Variants in VAV2 observed in about 807,000 individuals in gnomAD.
VAV2 encodes the protein guanine nucleotide exchange factor VAV2.
VAV2 carries 67 observed loss-of-function variants against 132.5 expected under a neutral mutation model. The ratio of observed to expected loss-of-function variants is 0.51; its 90% confidence interval spans 0.42 to 0.62. The LOEUF is 0.62. VAV2 is among the 20% of genes least tolerant of loss of function. The pLI, the probability that VAV2 is intolerant of heterozygous loss-of-function variation, is 0.00. For missense variants in VAV2, 938 were observed against 1,153.6 expected (o/e 0.81, Z 2.71); for synonymous variants, 492 against 443.5 (o/e 1.11, Z -1.37).
Position 133,768,658 on chromosome 9 carries a change from G to T in VAV2, c.2435-62C>A. The T allele has an allele frequency of 6.4e-7, 1 of 1,562,810 alleles. No individual in the cohort carries two copies. On this transcript the variant is annotated intron_variant, in intron 28 of 29. Transcript: ENST00000371850. The surrounding 1 kb of genome is among the most constrained non-coding windows in gnomAD (Gnocchi z 5.3). The stretch of plus-strand genomic sequence containing the variant: ...GAGGAGCCCAACCAGTGATCCAGGA[G>T]GCCCTTGGGCCAAGCTGGGTCTCTC...
intron 3 of VAV2, among the ~76,000 whole-genome samples, chr9:133,837,888 C>T (rs966735055): frequency 4.6e-5 from 7 of 152,122 alleles, no homozygotes; most frequent in East Asian, 3.9e-4. Flanking sequence ...TACTGCTGCC[C>T]GTAAAATCTT....
At chr9:133,845,239 C>A (rs1009435104) in intron 3 of VAV2, among the ~76,000 whole-genome samples, 2 of 152,254 alleles carry the variant, frequency 1.3e-5, no homozygotes, top group Non-Finnish European at 2.9e-5. Context: ...CTGGGCCAGG[C>A]CGGGGACTGA....
intron 3 of VAV2, among the ~76,000 whole-genome samples, chr9:133,858,800 G>A (rs570061816): frequency 9.2e-5 from 14 of 152,184 alleles, no homozygotes; most frequent in African/African-American, 2.4e-4. Context: ...TGGGTCCACC[G>A]ACATGCAGCC....
intron 2 of VAV2, among the ~76,000 whole-genome samples, chr9:133,866,643 G>C (rs949163577): frequency 1.3e-5 from 2 of 151,912 alleles, no homozygotes; most frequent in African/African-American, 4.8e-5. Flanking sequence ...ATCTCTATTA[G>C]GAATACAAAA....
In VAV2 at chr9:133,935,631, C is replaced by T. The variant is rs1372664390; in HGVS notation, c.321+3472G>A. On this transcript the variant is annotated intron_variant, in intron 2 of 29. Coordinates refer to ENST00000371850, the MANE Select transcript of VAV2 (RefSeq NM_001134398.2). This position sits in a 1 kb window ranked among gnomAD's most constrained non-coding sequence, Gnocchi z 5.2. The stretch of plus-strand genomic sequence containing the variant: ...CACCTGTCCCGGAGAAGCCAGGAGG[C>T]GCTGGCAGAGCAGAACCGTCAGGCT... 3.9e-5 allele frequency among the ~76,000 whole-genome samples: 6 copies of T among 152,232 alleles called. No homozygotes were observed. Among genetic ancestry groups the T allele is most frequent in the Admixed American group, 6.5e-5 (1 of 15,278 alleles).
chr9:133,774,873 T>G (rs1408838234), intron 25 of VAV2, 62 bp downstream of exon 25: 1 of 1,448,176 alleles, frequency 6.9e-7, no homozygotes, highest in Non-Finnish European at 9.5e-7. Context: ...GAGAGGATGG[T>G]GCTCTCCACT....
At chr9:133,965,910 GCATGA>G (rs1157190978) in intron 1 of VAV2, among the ~76,000 whole-genome samples, 1 of 152,146 alleles carries the variant, frequency 6.6e-6, no homozygotes, top group African/African-American at 2.4e-5. Flanking sequence ...AACAAAAGCA[GCATGA>G]TACTGGCATA....
intron 1 of VAV2, among the ~76,000 whole-genome samples, chr9:133,977,884 G>T (rs900758777): frequency 2.0e-5 from 3 of 152,324 alleles, no homozygotes; most frequent in African/African-American, 4.8e-5. Context: ...TCAGGCCTCT[G>T]CCCCTCAGCT....
At chr9:133,964,808 G>A (rs1842093315) in intron 1 of VAV2, among the ~76,000 whole-genome samples, 2 of 152,164 alleles carry the variant, frequency 1.3e-5, no homozygotes, top group Admixed American at 6.5e-5. Context: ...TCTAGGTACA[G>A]AAGGAGCACT....
intron 2 of VAV2, among the ~76,000 whole-genome samples, chr9:133,907,388 C>G (rs1044501051): frequency 6.6e-6 from 1 of 152,220 alleles, no homozygotes; most frequent in Non-Finnish European, 1.5e-5. Context: ...CAAGCCCAGG[C>G]CGATCCTGGC....
At chr9:133,976,452 T>A (rs888874239) in intron 1 of VAV2, among the ~76,000 whole-genome samples, 1 of 152,124 alleles carries the variant, frequency 6.6e-6, no homozygotes, top group African/African-American at 2.4e-5. Context: ...AGACCCTAGA[T>A]TGGAGCCCTA....
intron 1 of VAV2, among the ~76,000 whole-genome samples, chr9:133,942,889 C>T (rs1011301278): frequency 6.6e-5 from 10 of 152,346 alleles, no homozygotes; most frequent in African/African-American, 1.7e-4. Flanking sequence ...AGGGACTGCA[C>T]GGACGGGGAT....
intron 21 of VAV2, among the ~76,000 whole-genome samples, chr9:133,779,408 C>T (rs917188743): frequency 1.3e-5 from 2 of 152,018 alleles, no homozygotes; most frequent in African/African-American, 4.8e-5. Flanking sequence ...AGCCCAGCTC[C>T]CGCCTGGCCC....
chr9:133,815,735 T>G (rs1466900045), intron 4 of VAV2, among the ~76,000 whole-genome samples: 1 of 152,222 alleles, frequency 6.6e-6, no homozygotes, highest in African/African-American at 2.4e-5. Context: ...AGTTGTTGCT[T>G]ATTGTGAATA....
intron 2 of VAV2, among the ~76,000 whole-genome samples, chr9:133,920,199 C>G (rs1432513602): frequency 6.6e-6 from 1 of 152,206 alleles, no homozygotes; most frequent in East Asian, 1.9e-4. Context: ...TTCTAGTCAG[C>G]CCCAGAAAGG....
At chr9:133,960,185 T>G (rs1841922424) in intron 1 of VAV2, among the ~76,000 whole-genome samples, 1 of 152,206 alleles carries the variant, frequency 6.6e-6, no homozygotes, top group Non-Finnish European at 1.5e-5. Context: ...GGGCCGACAG[T>G]CCAGCGGATC....
intron 1 of VAV2, 136 bp from the exon 2 acceptor site, chr9:133,939,355 G>A (rs1182697324): frequency 2.5e-6 from 2 of 812,264 alleles, no homozygotes; most frequent in African/African-American, 1.7e-5. Flanking sequence ...TTTTCTCAAG[G>A]AGGAAATGGG....
intron 2 of VAV2, among the ~76,000 whole-genome samples, chr9:133,909,528 G>A (rs1382510158): frequency 2.6e-5 from 4 of 152,152 alleles, no homozygotes; most frequent in Admixed American, 1.3e-4. Context: ...TCAGAACAGC[G>A]CCTAGCACAA....
chr9:133,799,657 T>C (rs533060956), intron 9 of VAV2, among the ~76,000 whole-genome samples: 1 of 152,272 alleles, frequency 6.6e-6, no homozygotes, highest in Admixed American at 6.5e-5. Flanking sequence ...CCACTTTAAA[T>C]GGGAACCTGC....
Sources: allele counts gnomAD v4.1 joint callset (sites outside exome capture counted in the v4.1 genomes callset), GRCh38; gene constraint gnomAD v4.1.1; non-coding constraint Gnocchi (gnomAD v3.1); transcripts MANE v1.5; gene names NCBI Gene and HGNC (gene_info 2026-07-23, HGNC 2026-07-21).